The following SMG9 variants were observed in gnomAD, a reference collection of about 807,000 sequenced individuals.
SMG9 encodes SMG9 nonsense mediated mRNA decay factor, also known as nonsense-mediated mRNA decay factor SMG9.
SMG9 carries 55 observed loss-of-function variants against 64.0 expected under a neutral mutation model. That is an observed-to-expected ratio of 0.86 (90% CI 0.69 to 1.08). SMG9 has a LOEUF of 1.08. Among genes scored for constraint, SMG9 ranks in the 50% least tolerant of loss-of-function variants. SMG9 has a pLI of 0.00. For missense variants in SMG9, 554 were observed against 681.3 expected, an observed-to-expected ratio of 0.81 and a Z score of 2.08; for synonymous variants, 244 against 254.8, an observed-to-expected ratio of 0.96 and a Z score of 0.41.
intron 13 of SMG9, among the ~76,000 whole-genome samples, chr19:43,731,988 C>T (rs1286568820): frequency 6.6e-6 from 1 of 152,220 alleles, no homozygotes; most frequent in Non-Finnish European, 1.5e-5. Flanking sequence ...TCAGTTTCCA[C>T]CTCCCTCCAG....
At chr19:43,736,391 C>T (rs1232333899) in intron 9 of SMG9, among the ~76,000 whole-genome samples, 3 of 152,158 alleles carry the variant, frequency 2.0e-5, no homozygotes, top group Admixed American at 6.5e-5. Context: ...CTGCCTGGTC[C>T]GTGTGCCCAA....
chr19:43,746,819 C>CTTT (rs11326289), intron 5 of SMG9, among the ~76,000 whole-genome samples: 1 of 134,264 alleles, frequency 7.4e-6, no homozygotes, highest in Non-Finnish European at 1.6e-5. Flanking sequence ...GCTTCTTGTT[C>CTTT]TTTTTTTTTT....
intron 9 of SMG9, among the ~76,000 whole-genome samples, chr19:43,736,898 G>A (rs1007434987): frequency 6.6e-6 from 1 of 152,218 alleles, no homozygotes; most frequent in Non-Finnish European, 1.5e-5. Context: ...AGATCTGCGG[G>A]AAGGGTATTT....
At chr19:43,731,923 C>T (rs191271517) in intron 13 of SMG9, among the ~76,000 whole-genome samples, 1 of 152,358 alleles carries the variant, frequency 6.6e-6, no homozygotes, top group East Asian at 1.9e-4. Flanking sequence ...GACCTCAAGT[C>T]TCCACCACCT....
chr19:43,736,025 A>G (rs346530), intron 9 of SMG9, among the ~76,000 whole-genome samples: 151,040 of 152,322 alleles, frequency 0.99, 74,892 homozygotes, highest in Middle Eastern at 1. Context: ...TGGTAGGAAT[A>G]GGTGTTTCAG....
At chr19:43,735,614 CAAA>C (rs889721095) in intron 9 of SMG9, among the ~76,000 whole-genome samples, 2 of 51,530 alleles carry the variant, frequency 3.9e-5, no homozygotes, top group Admixed American at 2.3e-4. Flanking sequence ...GACTCTGTCT[CAAA>C]AAAAAAAAAA....
Position 43,747,643 on chromosome 19 carries a change from T to C in SMG9, c.480A>G (p.Ala160=), listed in dbSNP as rs754402106. The change falls in exon 4 of 14, where the codon GCA becomes GCG. Residue 160 remains alanine (A), a synonymous_variant. Transcript: ENST00000270066. The part of the protein sequence containing the change: ...QNRGMGTAAP[A]AMDPVVGQAK... ...CCAGCCCCAACTCACGGTCCATGGC[T>C]GCTGGTGCGGCAGTGCCCATGCCCC... The C allele has an allele frequency of 4.9e-5, 79 of 1,613,732 alleles. 3 individuals carry two copies. In the South Asian group the frequency reaches 8.0e-4, roughly 16 times the overall value.
At chr19:43,731,713 C>G in intron 13 of SMG9, 39 bp from the exon 14 acceptor site, 1 of 1,613,552 alleles carries the variant, frequency 6.2e-7, no homozygotes, top group Non-Finnish European at 8.5e-7. Flanking sequence ...CTGGCCGGGG[C>G]TCCCCCCAGC....
rs781048049 is a variant in SMG9, at chr19:43,733,433, T to C, written c.1230A>G (p.Gln410=). Reference sequence around the variant, plus strand: ...GTGGAAGCCCCGGGAAGACATTGCATTGTAACATGGACAGAGTTCCTGGAG... The same window carrying C: ...GTGGAAGCCCCGGGAAGACATTGCACTGTAACATGGACAGAGTTCCTGGAG... ...LRYKGTLSML[Q]CNVFPGLPPD... is the part of the protein sequence containing the mutation. Residue 410 remains glutamine, a synonymous_variant, in exon 12 of 14, where the codon CAA becomes CAG. Coordinates refer to ENST00000270066, the MANE Select transcript of SMG9 (RefSeq NM_019108.4). 3.1e-6 allele frequency: 5 copies of C among 1,614,016 alleles called. No individual in the cohort carries two copies. The highest frequency in any genetic ancestry group is 3.4e-6 in the Non-Finnish European group (4 of 1,180,020).
chr19:43,741,569 G>C (rs1192432263), intron 6 of SMG9, among the ~76,000 whole-genome samples: 3 of 152,152 alleles, frequency 2.0e-5, no homozygotes, highest in African/African-American at 7.2e-5. Context: ...CCGTACGGTG[G>C]AAAAAGTGGA....
At position 43,735,546 on chromosome 19, in the gene SMG9, C is replaced by T. The variant is rs140754305; in HGVS notation, c.996-1051G>A. Among the ~76,000 whole-genome samples the T allele has an allele frequency of 3.1e-3, 402 of 130,816 alleles. 3 individuals are homozygous for T. Among genetic ancestry groups the T allele is most frequent in the African/African-American group, 0.012 (392 of 33,444 alleles). The allele number at this position is 130,816 out of a possible 152,430, so 85.8% of individuals were successfully genotyped here. A position where few individuals can be genotyped will look rare whatever the true frequency, so the allele number is the denominator to read the frequency against. On this transcript the variant is annotated intron_variant, in intron 9 of 13. Transcript: ENST00000270066. ...GGCAGAAGCACTTGAACCTAGGAGG[C>T]GGAGGTTGCAGTGAGCCGAGATTGT...
chr19:43,740,264 G>T, intron 6 of SMG9, 46 bp from the exon 7 acceptor site: 1 of 1,314,680 alleles, frequency 7.6e-7, no homozygotes, highest in Non-Finnish European at 1.1e-6. Context: ...CTGGTTCTCA[G>T]CCTTGGATGC....
intron 6 of SMG9, among the ~76,000 whole-genome samples, chr19:43,741,390 G>C (rs900988835): frequency 1.3e-5 from 2 of 152,174 alleles, no homozygotes; most frequent in African/African-American, 4.8e-5. Flanking sequence ...AGAGCAGAAA[G>C]ATGGTGCATG....
chr19:43,729,052 G>A lies in SMG9; in HGVS notation c.*2544C>T. On this transcript the variant is annotated 3_prime_UTR_variant, in exon 14 of 14. Transcript: ENST00000270066. ...GCAGCATCAGCCTGAGTCCTCTGCT[G>A]GATGTAAAGGGGGTGGCGGGTGACC... The A allele has an allele frequency of 1.0e-6, 1 of 985,554 alleles. No homozygotes were observed. The highest frequency in any genetic ancestry group is 1.2e-6 in the Non-Finnish European group (1 of 830,018). The allele number at this position is 985,554 out of a possible 1,614,324, so 61.1% of individuals were successfully genotyped here. A position where few individuals can be genotyped will look rare whatever the true frequency, so the allele number is the denominator to read the frequency against.
In SMG9 at chr19:43,730,493, A is replaced by G. The variant is rs1274892538; in HGVS notation, c.*1103T>C. On this transcript the variant is annotated 3_prime_UTR_variant, in exon 14 of 14. Coordinates refer to ENST00000270066, the MANE Select transcript of SMG9 (RefSeq NM_019108.4). ...AAGGCACTGTCTGTACGGGTGAGGC[A>G]TGGTATTTGGATTAAGGGTAAGTAC... 6.6e-6 allele frequency: 1 copy of G among 152,068 alleles called. No homozygotes were observed. Among genetic ancestry groups the G allele is most frequent in the Non-Finnish European group, 1.5e-5 (1 of 68,010 alleles). The allele number at this position is 152,068 out of a possible 1,614,324, so 9.4% of individuals were successfully genotyped here. A position where few individuals can be genotyped will look rare whatever the true frequency, so the allele number is the denominator to read the frequency against.
At chr19:43,737,006 G>C (rs1968691804) in intron 9 of SMG9, among the ~76,000 whole-genome samples, 1 of 152,186 alleles carries the variant, frequency 6.6e-6, no homozygotes, top group African/African-American at 2.4e-5. Flanking sequence ...AGGTGCGGTG[G>C]CTCACGCCTA....
At chr19:43,753,458 C>CTTTTTTTTT (rs745479932) in intron 1 of SMG9, among the ~76,000 whole-genome samples, 1 of 118,622 alleles carries the variant, frequency 8.4e-6, no homozygotes, top group Non-Finnish European at 1.8e-5. Context: ...GAATGCTTTT[C>CTTTTTTTTT]TTTTTTTTTT....
chr19:43,733,011 T>G lies in SMG9; in HGVS notation c.1340-9A>C. ...TGGGCTGGAACCAGGTCCTGGAAAG[T>G]TGGGGCAGGGAGGGTAAGAGGGATA... On this transcript the variant is annotated splice_polypyrimidine_tract_variant and intron_variant, in intron 12 of 13. Transcript: ENST00000270066. The G allele has an allele frequency of 6.2e-7, 1 of 1,605,112 alleles. No homozygotes were observed. Among genetic ancestry groups the G allele is most frequent in the Non-Finnish European group, 8.5e-7 (1 of 1,175,544 alleles).
At chr19:43,746,661 CAGA>C (rs543369239) in intron 5 of SMG9, among the ~76,000 whole-genome samples, 35 of 148,692 alleles carry the variant, frequency 2.4e-4, no homozygotes, top group Admixed American at 1.4e-3. Flanking sequence ...GGAGAAAAAG[CAGA>C]AGAAGGGACA....
Sources: gnomAD v4.1 joint callset for allele counts (sites outside exome capture counted in the v4.1 genomes callset) on GRCh38, gnomAD v4.1.1 for gene constraint, MANE v1.5 for transcripts, NCBI Gene and HGNC (gene_info 2026-07-23, HGNC 2026-07-21) for gene names.